Variants in TSPAN9 observed in about 807,000 individuals in gnomAD.
TSPAN9 encodes tetraspanin-9.
A neutral mutation model predicts 31.0 loss-of-function variants in TSPAN9; 16 were observed. The ratio of observed to expected loss-of-function variants is 0.52; its 90% CI spans 0.35 to 0.78. The LOEUF (loss-of-function observed/expected upper bound fraction) is 0.78. Ranked by LOEUF, TSPAN9 falls within the 30% of genes least tolerant of loss-of-function variation. The pLI, the probability that TSPAN9 is intolerant of heterozygous loss-of-function variation, is 0.01. For missense variants in TSPAN9, 272 were observed against 312.5 expected, an observed-to-expected ratio of 0.87 and a Z score of 0.98; for synonymous variants, 145 against 121.6, an observed-to-expected ratio of 1.19 and a Z score of -1.27.
intron 2 of TSPAN9, among the ~76,000 whole-genome samples, chr12:3,171,307 G>T (rs1319967558): frequency 6.6e-6 from 1 of 151,912 alleles, no homozygotes; most frequent in Non-Finnish European, 1.5e-5. Context: ...TTTCCTCCTG[G>T]TTTTGTGCAC....
At chr12:3,220,790 C>T (rs1157170937) in intron 3 of TSPAN9, among the ~76,000 whole-genome samples, 3 of 151,924 alleles carry the variant, frequency 2.0e-5, no homozygotes, top group African/African-American at 7.3e-5. Flanking sequence ...AGAGGGCTCT[C>T]GGTGGGAAGG....
intron 2 of TSPAN9, among the ~76,000 whole-genome samples, chr12:3,109,299 T>TGTGTGTGAGAGA (rs1274383200): frequency 6.8e-5 from 8 of 118,304 alleles, no homozygotes; most frequent in African/African-American, 3.6e-4. Context: ...TGTGTGTGTG[T>TGTGTGTGAGAGA]GAGAGAGAGT....
chr12:3,138,325 C>T (rs1256788570), intron 2 of TSPAN9, among the ~76,000 whole-genome samples: 3 of 152,114 alleles, frequency 2.0e-5, no homozygotes, highest in Non-Finnish European at 4.4e-5. Flanking sequence ...AGCTCAGTCT[C>T]CTCACTGCGG....
chr12:3,126,007 T>G (rs778107322), intron 2 of TSPAN9, among the ~76,000 whole-genome samples: 9 of 152,198 alleles, frequency 5.9e-5, no homozygotes, highest in Non-Finnish European at 1.0e-4. Context: ...GTTTGTTGTG[T>G]TCAAGTGTCT....
chr12:3,252,939 G>A (rs1157355901), intron 3 of TSPAN9, among the ~76,000 whole-genome samples: 1 of 152,142 alleles, frequency 6.6e-6, no homozygotes, highest in Non-Finnish European at 1.5e-5. Context: ...TTTCACGATT[G>A]CACAGCAGGC....
intron 3 of TSPAN9, among the ~76,000 whole-genome samples, chr12:3,216,031 A>G (rs2098381210): frequency 6.6e-6 from 1 of 152,102 alleles, no homozygotes; most frequent in Non-Finnish European, 1.5e-5. Flanking sequence ...TTGATCCATT[A>G]TCCCTGGTCG....
At chr12:3,211,454 T>C (rs1324911841) in intron 3 of TSPAN9, among the ~76,000 whole-genome samples, 1 of 152,242 alleles carries the variant, frequency 6.6e-6, no homozygotes, top group Non-Finnish European at 1.5e-5. Flanking sequence ...CTTGGCCCTT[T>C]GTTCTTTTGC....
chr12:3,215,370 A>C (rs747729319), intron 3 of TSPAN9: 1 of 152,212 alleles, frequency 6.6e-6, no homozygotes, highest in African/African-American at 2.4e-5. Flanking sequence ...GGTGGGAATC[A>C]AATCTTAATC....
At chr12:3,194,115 C>T (rs1470975383) in intron 2 of TSPAN9, among the ~76,000 whole-genome samples, 3 of 152,192 alleles carry the variant, frequency 2.0e-5, no homozygotes, top group Non-Finnish European at 2.9e-5. Flanking sequence ...GTCTGCCTTT[C>T]CCCTCCGTCC....
intron 2 of TSPAN9, among the ~76,000 whole-genome samples, chr12:3,108,740 T>G (rs2098315993): frequency 1.3e-5 from 2 of 152,220 alleles, no homozygotes. Context: ...CCTCCTTTCC[T>G]TTCCTGGAGA....
chr12:3,243,849 C>T (rs1295145308), intron 3 of TSPAN9, among the ~76,000 whole-genome samples: 1 of 152,194 alleles, frequency 6.6e-6, no homozygotes, highest in Non-Finnish European at 1.5e-5. Context: ...TGACTGACCT[C>T]AAGGCCGCCA....
intron 3 of TSPAN9, among the ~76,000 whole-genome samples, chr12:3,209,965 AAAAAAAAAAAAAAAAAAAAAATT>A (rs1281041700): frequency 1.5e-5 from 1 of 68,442 alleles, no homozygotes; most frequent in African/African-American, 5.6e-5. Flanking sequence ...TCCCAAAAAA[AAAAAAAAAAAAAAAAAAAAAATT>A]AGCCGGGTGT....
chr12:3,283,152 C>A lies in TSPAN9; in HGVS notation c.*36C>A. ...CGGGAGTGCCCACCCCGCCCTGCTG[C>A]CCTGTGGAGGGAAGAGGATTGAGCT... On this transcript the variant is annotated 3_prime_UTR_variant, in exon 9 of 9. Coordinates refer to ENST00000011898, the MANE Select transcript of TSPAN9 (RefSeq NM_006675.5). 1 of 1,599,170 alleles carries A rather than the reference C, an allele frequency of 6.3e-7. No individual in the cohort carries two copies. The highest frequency in any genetic ancestry group is 8.5e-7 in the Non-Finnish European group (1 of 1,175,832).
chr12:3,086,147 A>G (rs1591620138), intron 2 of TSPAN9, among the ~76,000 whole-genome samples: 1 of 152,306 alleles, frequency 6.6e-6, no homozygotes, highest in East Asian at 1.9e-4. Flanking sequence ...ATCTGCCTGG[A>G]GCAGGTTAGC....
chr12:3,107,356 C>T lies in TSPAN9; in HGVS notation c.-18+23637C>T, dbSNP rs952643644. ...GTCTGCCAGGCGGCACTGCAGGGGGCGGGAGTGGCCTGGAGGCTGAGATGA... is the reference window on the plus strand; with the variant it reads ...GTCTGCCAGGCGGCACTGCAGGGGGTGGGAGTGGCCTGGAGGCTGAGATGA... On this transcript the variant is annotated intron_variant, in intron 2 of 8. Coordinates refer to ENST00000011898, the MANE Select transcript of TSPAN9 (RefSeq NM_006675.5). The surrounding 1 kb of genome is among the most constrained non-coding windows in gnomAD (Gnocchi z 4.1). Among the ~76,000 whole-genome samples, 3 of 152,284 alleles carry T rather than the reference C, an allele frequency of 2.0e-5. No homozygotes were observed. The East Asian group carries it at 5.8e-4, about 29-fold the overall frequency.
chr12:3,113,587 A>G (rs539664136), intron 2 of TSPAN9, among the ~76,000 whole-genome samples: 53 of 152,292 alleles, frequency 3.5e-4, no homozygotes, highest in African/African-American at 1.2e-3. Context: ...TCCATCTTCT[A>G]TCATCTTAGG....
At position 3,209,491 on chromosome 12, in the gene TSPAN9, G is replaced by A. The variant is rs1368040084; in HGVS notation, c.63+8235G>A. 2.0e-5 allele frequency among the ~76,000 whole-genome samples: 3 copies of A among 152,134 alleles called. No homozygotes were observed. The East Asian group carries it at 5.8e-4, about 29-fold the overall frequency. On this transcript the variant is annotated intron_variant, in intron 3 of 8. Coordinates refer to ENST00000011898, the MANE Select transcript of TSPAN9 (RefSeq NM_006675.5). ...TTTCTTTAGGACAGTGCTTCTGGAA[G>A]TATCTGTGGTGGAGGACCATCTTTT...
rs1053873253 is a variant in TSPAN9, at chr12:3,187,536, C to T, written c.-17-13641C>T. 6.6e-6 allele frequency among the ~76,000 whole-genome samples: 1 copy of T among 152,112 alleles called. No individual in the cohort carries two copies. The highest frequency in any genetic ancestry group is 1.5e-5 in the Non-Finnish European group (1 of 68,030). On this transcript the variant is annotated intron_variant, in intron 2 of 8. Transcript: ENST00000011898. This position sits in a 1 kb window ranked among gnomAD's most constrained non-coding sequence, Gnocchi z 5.2. ...AAGTCAGGAGACATAGGTTCCAGTCCCAGCTCTCCTTACTTGCTTAGACGA... is the reference window on the plus strand; with the variant it reads ...AAGTCAGGAGACATAGGTTCCAGTCTCAGCTCTCCTTACTTGCTTAGACGA...
Position 3,168,575 on chromosome 12 carries a change from C to T in TSPAN9, c.-17-32602C>T, listed in dbSNP as rs1237534241. Among the ~76,000 whole-genome samples the T allele has an allele frequency of 6.6e-6, 1 of 152,106 alleles. No homozygotes were observed. The highest frequency in any genetic ancestry group is 1.5e-5 in the Non-Finnish European group (1 of 68,026). ...GGAGCTGACTTACTTTCTCTTTGCC[C>T]CCCTCTATTTCTATGTGTGAGTCAT... On this transcript the variant is annotated intron_variant, in intron 2 of 8. Coordinates refer to ENST00000011898, the MANE Select transcript of TSPAN9 (RefSeq NM_006675.5). This position sits in a 1 kb window ranked among gnomAD's most constrained non-coding sequence, Gnocchi z 4.0.
Sources: allele counts gnomAD v4.1 joint callset (sites outside exome capture counted in the v4.1 genomes callset), GRCh38; gene constraint gnomAD v4.1.1; non-coding constraint Gnocchi (gnomAD v3.1); transcripts MANE v1.5; gene names NCBI Gene and HGNC (gene_info 2026-07-23, HGNC 2026-07-21).